The following XPO6 variants were observed in gnomAD, a reference collection of about 807,000 sequenced individuals.
XPO6 encodes the protein exportin 6, also known as exportin-6.
A neutral mutation model predicts 130.0 loss-of-function variants in XPO6; 3 were observed. That is an observed-to-expected ratio of 0.02 (90% confidence interval 0.01 to 0.06). XPO6 has a LOEUF of 0.06. Among genes scored for constraint, XPO6 ranks in the 10% least tolerant of loss-of-function variants. The probability of loss-of-function intolerance (pLI) is 1.00; values close to 1 mark genes in which losing one functional copy is unlikely to be tolerated. For missense variants in XPO6, 970 were observed against 1,393.0 expected (o/e 0.70, Z 4.83); for synonymous variants, 524 against 548.9 (o/e 0.95, Z 0.63).
intron 9 of XPO6, 38 bp from the exon 10 acceptor site, chr16:28,135,362 T>C: frequency 6.3e-7 from 1 of 1,580,026 alleles, no homozygotes; most frequent in South Asian, 1.1e-5. Context: ...GAAAGGAGGC[T>C]TTCAGCTTAG....
intron 1 of XPO6, among the ~76,000 whole-genome samples, chr16:28,190,048 TA>T (rs1439825050): frequency 6.6e-6 from 1 of 152,172 alleles, no homozygotes; most frequent in Non-Finnish European, 1.5e-5. Flanking sequence ...GTGGCAGTGA[TA>T]ACATGGAAGC....
At chr16:28,185,824 A>T (rs1186845655) in intron 1 of XPO6, among the ~76,000 whole-genome samples, 2 of 152,214 alleles carry the variant, frequency 1.3e-5, no homozygotes, top group East Asian at 3.8e-4. Flanking sequence ...CATACACTTA[A>T]AATCCTTGGG....
At chr16:28,197,023 G>C (rs901924434) in intron 1 of XPO6, among the ~76,000 whole-genome samples, 1 of 152,090 alleles carries the variant, frequency 6.6e-6, no homozygotes, top group Non-Finnish European at 1.5e-5. Flanking sequence ...AGGCCAAGGC[G>C]GGCAGATCAC....
chr16:28,173,531 C>A (rs1417124372), intron 4 of XPO6, among the ~76,000 whole-genome samples: 1 of 152,054 alleles, frequency 6.6e-6, no homozygotes, highest in East Asian at 1.9e-4. Flanking sequence ...TCACTTGAGG[C>A]CAAGAAGTCA....
chr16:28,194,005 C>T (rs967568571), intron 1 of XPO6, among the ~76,000 whole-genome samples: 2 of 152,056 alleles, frequency 1.3e-5, no homozygotes, highest in Admixed American at 6.6e-5. Context: ...CAGGGCAGGT[C>T]GCATCTAATG....
chr16:28,170,969 CT>C (rs1489284371), intron 4 of XPO6, among the ~76,000 whole-genome samples: 1 of 151,930 alleles, frequency 6.6e-6, no homozygotes, highest in African/African-American at 2.4e-5. Flanking sequence ...CTAAAATTAT[CT>C]GTTGAGTTAA....
intron 8 of XPO6, among the ~76,000 whole-genome samples, chr16:28,148,317 G>A (rs145151048): frequency 6.6e-6 from 1 of 152,284 alleles, no homozygotes; most frequent in East Asian, 1.9e-4. Flanking sequence ...ATCCATTCCT[G>A]CAGGCCCCAC....
chr16:28,167,306 A>C, intron 5 of XPO6: 5 of 985,396 alleles, frequency 5.1e-6, no homozygotes, highest in Non-Finnish European at 6.0e-6. Flanking sequence ...GTTCCCCACA[A>C]ACCTGCCACC....
At chr16:28,185,139 G>A (rs904656089) in intron 1 of XPO6, among the ~76,000 whole-genome samples, 1 of 152,106 alleles carries the variant, frequency 6.6e-6, no homozygotes, top group African/African-American at 2.4e-5. Context: ...CAAACACAAT[G>A]TAGAGTGAAA....
intron 23 of XPO6, among the ~76,000 whole-genome samples, chr16:28,099,322 A>C (rs1297871335): frequency 1.4e-5 from 2 of 143,516 alleles, no homozygotes; most frequent in Non-Finnish European, 3.1e-5. Context: ...CCCGGTGAGG[A>C]CTCAAACAGG....
At chr16:28,167,463 C>T (rs1038207846) in intron 5 of XPO6, among the ~76,000 whole-genome samples, 15 of 152,170 alleles carry the variant, frequency 9.9e-5, no homozygotes, top group African/African-American at 3.6e-4. Context: ...CTACATGTGT[C>T]CCTCTCAACC....
chr16:28,151,373 T>C (rs753061751), intron 8 of XPO6, among the ~76,000 whole-genome samples: 9 of 152,054 alleles, frequency 5.9e-5, no homozygotes, highest in Non-Finnish European at 1.5e-5. Context: ...AACAATGACT[T>C]AACAACAGCA....
chr16:28,115,614 GAAT>G (rs758532996), intron 15 of XPO6, among the ~76,000 whole-genome samples: 11 of 152,168 alleles, frequency 7.2e-5, no homozygotes, highest in Non-Finnish European at 1.3e-4. Context: ...AGGATTTTCA[GAAT>G]GATACATGAG....
At chr16:28,140,006 C>A (rs1343727726) in intron 9 of XPO6, among the ~76,000 whole-genome samples, 1 of 152,000 alleles carries the variant, frequency 6.6e-6, no homozygotes, top group African/African-American at 2.4e-5. Context: ...CCAAGGCAGG[C>A]GGATCACCTG....
At chr16:28,160,550 A>T (rs1394526674) in intron 6 of XPO6, among the ~76,000 whole-genome samples, 2 of 151,808 alleles carry the variant, frequency 1.3e-5, no homozygotes, top group Non-Finnish European at 2.9e-5. Context: ...AAATGTTATT[A>T]AAAAATATAT....
chr16:28,120,469 C>A (rs1341568259), intron 14 of XPO6, among the ~76,000 whole-genome samples: 2 of 152,040 alleles, frequency 1.3e-5, no homozygotes, highest in African/African-American at 4.8e-5. Context: ...AATCACATTA[C>A]CCTTTAAGTT....
intron 14 of XPO6, among the ~76,000 whole-genome samples, chr16:28,119,727 A>T (rs1254179274): frequency 6.6e-6 from 1 of 152,204 alleles, no homozygotes; most frequent in Non-Finnish European, 1.5e-5. Context: ...ATATGAGATG[A>T]CATTATTGTA....
intron 1 of XPO6, among the ~76,000 whole-genome samples, chr16:28,184,727 T>C (rs562729481): frequency 6.6e-6 from 1 of 152,176 alleles, no homozygotes; most frequent in Admixed American, 6.5e-5. Context: ...AATACAAATT[T>C]AAAATAAGAT....
Position 28,152,813 on chromosome 16 carries a change from A to G in XPO6, c.1098-28T>C, listed in dbSNP as rs747259567. 16 of 1,602,750 alleles carry G rather than the reference A, an allele frequency of 1.0e-5. No homozygotes were observed. In the East Asian group the frequency reaches 1.8e-4, roughly 18 times the overall value. ...AAATGAGACAAGACAAAAGGTGACAATAAGAAACCCAGCCACCTCCTTAGA... is the reference window on the plus strand; with the variant it reads ...AAATGAGACAAGACAAAAGGTGACAGTAAGAAACCCAGCCACCTCCTTAGA... On this transcript the variant is annotated intron_variant, in intron 7 of 23. Coordinates refer to ENST00000304658, the MANE Select transcript of XPO6 (RefSeq NM_015171.4).
Sources: allele counts gnomAD v4.1 joint callset (sites outside exome capture counted in the v4.1 genomes callset), GRCh38; gene constraint gnomAD v4.1.1; transcripts MANE v1.5; gene names NCBI Gene and HGNC (gene_info 2026-07-23, HGNC 2026-07-21).